The following UPF3B variants were observed in gnomAD, a reference collection of about 807,000 sequenced individuals.
UPF3B encodes regulator of nonsense transcripts 3B.
In UPF3B, 7 loss-of-function variants were observed where a neutral mutation model predicts 40.3. That is an observed-to-expected ratio of 0.17 (90% CI 0.10 to 0.33). The LOEUF (loss-of-function observed/expected upper bound fraction) is 0.33, where lower values mean the gene tolerates loss of function less well. UPF3B is among the 10% of genes least tolerant of loss of function. The pLI is 1.00. For missense variants in UPF3B, 229 were observed against 358.9 expected, an observed-to-expected ratio of 0.64 and a Z score of 2.93; for synonymous variants, 117 against 117.3, an observed-to-expected ratio of 1.00 and a Z score of 0.01.
At position 119,843,219 on chromosome X, in the gene UPF3B, T is replaced by C; in HGVS notation, c.552A>G (p.Glu184=). ...MTSTPETLLE[E]IEAKNRELIA... is the part of the protein sequence containing the mutation. The stretch of plus-strand genomic sequence containing the variant: ...TTAATTCTCTATTTTTTGCTTCTAT[T>C]TCCTCTAGCAGTGTCTCTGGAGTAG... The change falls in exon 5 of 11, where the codon GAA becomes GAG. Residue 184 remains glutamate, a synonymous_variant. Transcript: ENST00000276201. 8.3e-7 allele frequency: 1 copy of C among 1,206,211 alleles called. No individual in the cohort carries two copies. Among genetic ancestry groups the C allele is most frequent in the South Asian group, 1.8e-5 (1 of 56,894 alleles).
chrX:119,805,406 T>C (rs1469898250), exon 7 of UPF3B: 1 of 136,048 alleles, frequency 7.4e-6, no homozygotes, highest in African/African-American at 3.2e-5. Flanking sequence ...GTTTCCTTCC[T>C]GGAGAGGGTA....
chrX:119,844,035 T>C (rs1291340389), intron 4 of UPF3B, among the ~76,000 whole-genome samples: 1 of 111,488 alleles, frequency 9.0e-6, no homozygotes, highest in Non-Finnish European at 1.9e-5. Context: ...GGTTTTTCAG[T>C]TCTTGTATTT....
At chrX:119,846,092 G>C (rs774547152) in intron 3 of UPF3B, among the ~76,000 whole-genome samples, 6 of 110,625 alleles carry the variant, frequency 5.4e-5, no homozygotes, top group Non-Finnish European at 1.1e-4. Flanking sequence ...CCAGCATTTT[G>C]GGAGGCCGAG....
chrX:119,834,798 C>G lies in UPF3B; in HGVS notation c.*80G>C, dbSNP rs2056074045. The G allele has an allele frequency of 8.3e-7, 1 of 1,209,058 alleles. No homozygotes were observed. Among genetic ancestry groups the G allele is most frequent in the Non-Finnish European group, 1.1e-6 (1 of 895,358 alleles). On this transcript the variant is annotated 3_prime_UTR_variant, in exon 11 of 11. Transcript: ENST00000276201. ...GGCTCCCTTTCTCTCTATTCTTTGC[C>G]CTGAAGGCACCTCTGGATTGCTTAA...
chrX:119,834,572 C>G lies in UPF3B; in HGVS notation c.*306G>C. ...ACCAGCTCTTACTTTTCTCTCGTGT[C>G]ATATGTGATGAAGTCCTCACTTGAC... On this transcript the variant is annotated 3_prime_UTR_variant, in exon 11 of 11. Transcript: ENST00000276201. 3 of 970,978 alleles carry G rather than the reference C, an allele frequency of 3.1e-6. No individual in the cohort carries two copies. The highest frequency in any genetic ancestry group is 6.0e-5 in the South Asian group (2 of 33,519). The allele number at this position is 970,978 out of a possible 1,213,427, so 80.0% of individuals were successfully genotyped here.
chrX:119,826,387 CAGG>C (rs1158338561), intron 3 of UPF3B, among the ~76,000 whole-genome samples: 2 of 110,295 alleles, frequency 1.8e-5, no homozygotes, highest in African/African-American at 6.6e-5. Flanking sequence ...GAGGCTGAGG[CAGG>C]AGAATAGCTT....
At chrX:119,821,779 C>T (rs1052093295) in intron 4 of UPF3B, among the ~76,000 whole-genome samples, 2 of 107,654 alleles carry the variant, frequency 1.9e-5, no homozygotes, top group Non-Finnish European at 3.8e-5. Context: ...GCCTGGGTGA[C>T]AGAGTGAAAC....
chrX:119,835,618 C>A (rs1196123890), intron 10 of UPF3B, among the ~76,000 whole-genome samples: 1 of 111,994 alleles, frequency 8.9e-6, no homozygotes, highest in African/African-American at 3.2e-5. Flanking sequence ...CAATTCAGAA[C>A]AGGAAAAGCC....
chrX:119,835,440 G>C (rs1207601947), intron 10 of UPF3B, among the ~76,000 whole-genome samples: 2 of 111,599 alleles, frequency 1.8e-5, no homozygotes, highest in Admixed American at 9.6e-5. Flanking sequence ...TCCCTATGTT[G>C]CCCAGGCTGC....
intron 3 of UPF3B, among the ~76,000 whole-genome samples, 181 bp from the exon 4 acceptor site, chrX:119,845,477 TCA>T (rs1327236892): frequency 6.3e-5 from 7 of 111,901 alleles, no homozygotes. Flanking sequence ...AGCCACAAAT[TCA>T]CACTGATAAC....
Position 119,841,094 on chromosome X carries a change from C to T in UPF3B, c.789G>A (p.Lys263=), listed in dbSNP as rs1175585529. 8.3e-7 allele frequency: 1 copy of T among 1,209,877 alleles called. No individual in the cohort carries two copies. The highest frequency in any genetic ancestry group is 1.7e-5 in the African/African-American group (1 of 57,741). ...IDRIPERDKL[K]DEPKIKVHRF... is the part of the protein sequence containing the mutation. ...CTTATACCTTAATCTTTGGTTCATC[C>T]TTTAATTTGTCCCTTTCTGGAATTC... The change falls in exon 7 of 11, where the codon AAG becomes AAA. Residue 263 remains lysine, a synonymous_variant. Transcript: ENST00000276201.
chrX:119,838,205 A>C, intron 9 of UPF3B, 154 bp from the exon 10 acceptor site: 1 of 921,415 alleles, frequency 1.1e-6, no homozygotes, highest in Non-Finnish European at 1.5e-6. Flanking sequence ...AAACCCCAAA[A>C]CCATTCACCC....
intron 7 of UPF3B, 125 bp downstream of exon 7, chrX:119,840,951 C>T (rs2056154044): frequency 2.7e-6 from 2 of 745,647 alleles, no homozygotes; most frequent in African/African-American, 2.1e-5. Context: ...TGGATCACTT[C>T]CCCCCAAAAG....
At chrX:119,837,711 A>G in intron 10 of UPF3B, 46 bp downstream of exon 10, 2 of 1,185,292 alleles carry the variant, frequency 1.7e-6, no homozygotes, top group South Asian at 3.6e-5. Flanking sequence ...CACTTGCAGG[A>G]AAAGGGAAAA....
chrX:119,821,107 A>G (rs2055913744), intron 4 of UPF3B, among the ~76,000 whole-genome samples: 1 of 111,141 alleles, frequency 9.0e-6, no homozygotes, highest in South Asian at 3.8e-4. Flanking sequence ...TCCTCTCCAT[A>G]GTGAGTTCTT....
intron 6 of UPF3B, among the ~76,000 whole-genome samples, chrX:119,807,027 TAAAAAAAAAAA>T (rs1191950024): frequency 4.7e-5 from 1 of 21,424 alleles, no homozygotes; most frequent in Middle Eastern, 0.048. Flanking sequence ...AGACCCTGTC[TAAAAAAAAAAA>T]AAAAAAAAAA....
chrX:119,842,373 C>G (rs755538746), intron 5 of UPF3B, among the ~76,000 whole-genome samples: 207 of 110,855 alleles, frequency 1.9e-3, no homozygotes, highest in African/African-American at 6.6e-3. Flanking sequence ...CACTTGAGGT[C>G]AGGAGTTCGA....
intron 1 of UPF3B, 79 bp downstream of exon 1, chrX:119,852,694 G>A: frequency 8.5e-7 from 1 of 1,177,163 alleles, no homozygotes; most frequent in Non-Finnish European, 1.2e-6. Context: ...GAAAGAAAGG[G>A]GGCAGCCCCA....
chrX:119,807,565 T>C, exon 6 of UPF3B: 1 of 829,846 alleles, frequency 1.2e-6, no homozygotes, highest in Non-Finnish European at 1.5e-6. Flanking sequence ...ATGGTAAAGC[T>C]TCATCCCTGG....
Sources: allele counts gnomAD v4.1 joint callset (sites outside exome capture counted in the v4.1 genomes callset), GRCh38; gene constraint gnomAD v4.1.1; transcripts MANE v1.5; gene names NCBI Gene and HGNC (gene_info 2026-07-23, HGNC 2026-07-21).